The following MED13L variants were observed in gnomAD, a reference collection of about 807,000 sequenced individuals.
MED13L encodes mediator of RNA polymerase II transcription subunit 13-like.
In MED13L, 7 loss-of-function variants were observed where a neutral mutation model predicts 220.9. The observed-to-expected ratio is 0.03, with a 90% CI of 0.02 to 0.06. The LOEUF is 0.06. MED13L is among the 10% of genes least tolerant of loss of function. The pLI is 1.00. For synonymous variants in MED13L, 1,011 were observed against 1,015.2 expected, an observed-to-expected ratio of 1.00 and a Z score of 0.08; for missense variants, 1,965 against 2,760.5, an observed-to-expected ratio of 0.71 and a Z score of 6.46.
intron 2 of MED13L, among the ~76,000 whole-genome samples, chr12:116,208,236 A>C (rs1882475677): frequency 6.6e-6 from 1 of 152,184 alleles, no homozygotes; most frequent in Non-Finnish European, 1.5e-5. Context: ...TTCTACTAAA[A>C]ATACAAAAAA....
intron 23 of MED13L, among the ~76,000 whole-genome samples, chr12:115,978,053 A>C (rs1037388095): frequency 6.6e-6 from 1 of 152,118 alleles, no homozygotes; most frequent in Non-Finnish European, 1.5e-5. Context: ...GTTCAAGACC[A>C]GCGTGAGCAA....
At chr12:116,175,353 C>T (rs1038127205) in intron 2 of MED13L, among the ~76,000 whole-genome samples, 15 of 152,090 alleles carry the variant, frequency 9.9e-5, no homozygotes, top group African/African-American at 3.6e-4. Context: ...ACAGGGGAAA[C>T]ATACCCACAC....
At chr12:116,048,630 T>C (rs1326291623) in intron 4 of MED13L, among the ~76,000 whole-genome samples, 1 of 152,070 alleles carries the variant, frequency 6.6e-6, no homozygotes, top group African/African-American at 2.4e-5. Context: ...AATAAACTTA[T>C]CTATGAATCA....
chr12:116,276,404 G>C, intron 1 of MED13L: 1 of 1,284,622 alleles, frequency 7.8e-7, no homozygotes, highest in Non-Finnish European at 1.0e-6. Context: ...CACAGGAGGA[G>C]AGAAAGAAGA....
chr12:116,084,298 G>T (rs1428918848), intron 4 of MED13L, among the ~76,000 whole-genome samples: 4 of 152,130 alleles, frequency 2.6e-5, no homozygotes, highest in Non-Finnish European at 5.9e-5. Flanking sequence ...AAGGAATAAT[G>T]CACGACAGTA....
At chr12:116,153,755 A>G (rs982318784) in intron 2 of MED13L, among the ~76,000 whole-genome samples, 6 of 152,130 alleles carry the variant, frequency 3.9e-5, no homozygotes, top group Non-Finnish European at 4.4e-5. Flanking sequence ...AAACAGAAAA[A>G]TCTTTCTAAC....
At chr12:116,093,206 C>T (rs1872381182) in intron 4 of MED13L, among the ~76,000 whole-genome samples, 1 of 151,898 alleles carries the variant, frequency 6.6e-6, no homozygotes, top group African/African-American at 2.4e-5. Flanking sequence ...CAAGTTCAAC[C>T]TAGACCTTAG....
chr12:116,019,686 G>A lies in MED13L; in HGVS notation c.820+92C>T, dbSNP rs973686242. The stretch of plus-strand genomic sequence containing the variant: ...GAATTTCTTTAAAAAGATGGGTATG[G>A]AGATTATTTCTGAAGAATCTAAATG... On this transcript the variant is annotated intron_variant, in intron 6 of 30. Transcript: ENST00000281928. 24 of 1,423,312 alleles carry A rather than the reference G, an allele frequency of 1.7e-5. No individual in the cohort carries two copies. The African/African-American group carries it at 3.3e-4, about 19-fold the overall frequency. 88.2% of individuals were successfully genotyped at this position (1,423,312 alleles called of 1,614,324 possible). A position where few individuals can be genotyped will look rare whatever the true frequency, so the allele number is the denominator to read the frequency against.
intron 2 of MED13L, among the ~76,000 whole-genome samples, chr12:116,165,402 C>T (rs982747993): frequency 4.0e-5 from 6 of 151,610 alleles, no homozygotes; most frequent in Admixed American, 3.9e-4. Context: ...ACGATCTTAG[C>T]TCACTGCAAC....
chr12:116,199,192 A>G (rs910833098), intron 2 of MED13L, among the ~76,000 whole-genome samples: 1 of 151,990 alleles, frequency 6.6e-6, no homozygotes, highest in Non-Finnish European at 1.5e-5. Flanking sequence ...TGTCTCTTCC[A>G]TCTTCTGTCC....
intron 4 of MED13L, among the ~76,000 whole-genome samples, chr12:116,074,137 G>A (rs540292617): frequency 7.5e-4 from 114 of 152,320 alleles, no homozygotes; most frequent in Non-Finnish European, 1.5e-3. Context: ...GCTCATGCCT[G>A]TAATCCCAGC....
intron 4 of MED13L, among the ~76,000 whole-genome samples, chr12:116,091,174 A>G (rs1872173199): frequency 6.6e-6 from 1 of 151,850 alleles, no homozygotes; most frequent in South Asian, 2.1e-4. Context: ...TTTTACTATA[A>G]AAAAGAATTT....
chr12:115,998,852 A>G (rs970657802), intron 14 of MED13L, among the ~76,000 whole-genome samples: 3 of 152,186 alleles, frequency 2.0e-5, no homozygotes, highest in Non-Finnish European at 4.4e-5. Context: ...AGGAATCTGT[A>G]TCTGATTTCA....
chr12:116,196,371 T>G (rs1385100048), intron 2 of MED13L, among the ~76,000 whole-genome samples: 1 of 150,836 alleles, frequency 6.6e-6, no homozygotes, highest in Non-Finnish European at 1.5e-5. Flanking sequence ...ATAAGTAAGG[T>G]GCAATTAACA....
intron 2 of MED13L, among the ~76,000 whole-genome samples, chr12:116,205,652 T>C (rs1481020307): frequency 6.6e-6 from 1 of 151,450 alleles, no homozygotes; most frequent in Non-Finnish European, 1.5e-5. Flanking sequence ...AGAAAATGGG[T>C]TACAAACAGA....
In MED13L at chr12:116,277,049, C is replaced by G. The variant is rs1873925384; in HGVS notation, c.72+11G>C. 1 of 1,578,036 alleles carries G rather than the reference C, an allele frequency of 6.3e-7. No homozygotes were observed. Among genetic ancestry groups the G allele is most frequent in the Non-Finnish European group, 8.6e-7 (1 of 1,162,850 alleles). On this transcript the variant is annotated intron_variant, in intron 1 of 30. Transcript: ENST00000281928. ...CCGGCACAGCCCCCTCCCCGCAGCC[C>G]GGCTACTCACCAGCGAAAAGAGGTT...
intron 2 of MED13L, among the ~76,000 whole-genome samples, chr12:116,187,270 G>C (rs1418009662): frequency 1.3e-5 from 2 of 152,116 alleles, no homozygotes; most frequent in Non-Finnish European, 2.9e-5. Flanking sequence ...CGTGTTCTTT[G>C]GTTTGAGAGA....
chr12:116,111,287 G>C (rs1386900760), intron 3 of MED13L, 141 bp downstream of exon 3: 3 of 718,618 alleles, frequency 4.2e-6, no homozygotes, highest in Non-Finnish European at 7.2e-6. Flanking sequence ...TCAATAGAAA[G>C]AGAAACTAAA....
chr12:116,034,571 C>G (rs997454353), intron 4 of MED13L, among the ~76,000 whole-genome samples: 1 of 152,162 alleles, frequency 6.6e-6, no homozygotes, highest in Non-Finnish European at 1.5e-5. Flanking sequence ...CTAAGGTAGC[C>G]TATATTCTCT....
Sources: gnomAD v4.1 joint callset for allele counts (sites outside exome capture counted in the v4.1 genomes callset) on GRCh38, gnomAD v4.1.1 for gene constraint, MANE v1.5 for transcripts, NCBI Gene and HGNC (gene_info 2026-07-23, HGNC 2026-07-21) for gene names.